EPHB2: variants seen among roughly 807,000 people sequenced by gnomAD.
The protein encoded by EPHB2 is ephrin type-B receptor 2.
A neutral mutation model predicts 96.4 loss-of-function variants in EPHB2; 18 were observed. The observed-to-expected ratio is 0.19, with a 90% CI of 0.13 to 0.28. The LOEUF is 0.28. Ranked by LOEUF, EPHB2 falls within the 10% of genes least tolerant of loss-of-function variation. The pLI is 1.00. For synonymous variants in EPHB2, 506 were observed against 534.1 expected (o/e 0.95, Z 0.72); for missense variants, 989 against 1,355.4 (o/e 0.73, Z 4.25).
intron 1 of EPHB2, among the ~76,000 whole-genome samples, chr1:22,723,517 C>T (rs1440538553): frequency 1.3e-5 from 2 of 152,248 alleles, no homozygotes; most frequent in Non-Finnish European, 2.9e-5. Flanking sequence ...CACAGCCATG[C>T]CAGCAAAGCT....
intron 3 of EPHB2, among the ~76,000 whole-genome samples, chr1:22,837,911 C>G (rs1189917945): frequency 6.6e-6 from 1 of 152,162 alleles, no homozygotes; most frequent in Non-Finnish European, 1.5e-5. Context: ...TGACCCCTTC[C>G]CTCCCTTTCT....
At chr1:22,788,454 G>A (rs1161958737) in intron 3 of EPHB2, among the ~76,000 whole-genome samples, 5 of 152,230 alleles carry the variant, frequency 3.3e-5, no homozygotes, top group Non-Finnish European at 5.9e-5. Flanking sequence ...CTGTGCTGCT[G>A]TCACCCAGAT....
intron 1 of EPHB2, among the ~76,000 whole-genome samples, chr1:22,749,266 C>G (rs1170339782): frequency 1.3e-5 from 2 of 152,130 alleles, no homozygotes; most frequent in African/African-American, 4.8e-5. Context: ...AGCGATCTGC[C>G]CACCTTGGCT....
At chr1:22,908,361 A>T (rs1639984088) in intron 12 of EPHB2, among the ~76,000 whole-genome samples, 193 bp downstream of exon 12, 1 of 152,260 alleles carries the variant, frequency 6.6e-6, no homozygotes, top group Admixed American at 6.5e-5. Context: ...AAATGTGCAG[A>T]GCCATGTGGA....
intron 1 of EPHB2, among the ~76,000 whole-genome samples, chr1:22,742,473 C>CTTCT (rs1643916195): frequency 6.6e-6 from 1 of 151,474 alleles, no homozygotes; most frequent in African/African-American, 2.4e-5. Context: ...TCCAGCCAGA[C>CTTCT]TTCCTTCCTT....
At chr1:22,762,767 C>T (rs1022482638) in intron 1 of EPHB2, among the ~76,000 whole-genome samples, 3 of 152,156 alleles carry the variant, frequency 2.0e-5, no homozygotes, top group African/African-American at 7.2e-5. Context: ...TATTGTAATC[C>T]ATCTCATTAT....
At chr1:22,786,904 G>T (rs1356691888) in intron 3 of EPHB2, among the ~76,000 whole-genome samples, 1 of 152,220 alleles carries the variant, frequency 6.6e-6, no homozygotes, top group Non-Finnish European at 1.5e-5. Context: ...AACAAATTTG[G>T]TTTTACGTCC....
chr1:22,884,151 G>C (rs1639145907), intron 6 of EPHB2, among the ~76,000 whole-genome samples: 2 of 152,218 alleles, frequency 1.3e-5, no homozygotes, highest in Admixed American at 1.3e-4. Flanking sequence ...GGGGACCATG[G>C]ACACTGAAGG....
intron 4 of EPHB2, among the ~76,000 whole-genome samples, chr1:22,864,656 A>G (rs545503329): frequency 3.0e-4 from 45 of 152,350 alleles, no homozygotes; most frequent in African/African-American, 7.7e-4. Flanking sequence ...CCTCAGTAAC[A>G]AACACTGAGC....
At chr1:22,877,970 T>C (rs1355248250) in intron 5 of EPHB2, among the ~76,000 whole-genome samples, 1 of 152,260 alleles carries the variant, frequency 6.6e-6, no homozygotes, top group African/African-American at 2.4e-5. Flanking sequence ...GTTATCCTTA[T>C]GCCCATTCAA....
intron 3 of EPHB2, among the ~76,000 whole-genome samples, chr1:22,842,027 A>G (rs541615508): frequency 4.2e-4 from 64 of 152,260 alleles, no homozygotes; most frequent in Non-Finnish European, 7.1e-4. Flanking sequence ...GCCTCGGGAC[A>G]GCTGGAGGAG....
Position 22,751,549 on chromosome 1 carries a change from A to G in EPHB2, c.62-29872A>G, listed in dbSNP as rs568835844. Among the ~76,000 whole-genome samples the G allele has an allele frequency of 4.6e-5, 7 of 152,342 alleles. No individual in the cohort carries two copies. In the East Asian group the frequency reaches 1.2e-3, roughly 25 times the overall value. On this transcript the variant is annotated intron_variant, in intron 1 of 15. Coordinates refer to ENST00000374630, the MANE Select transcript of EPHB2 (RefSeq NM_017449.5). ...GAGCTCTGTCCTCAGCCTGCTGGTC[A>G]GGGCTCACCTTCCCTACCTTTACGC...
chr1:22,762,768 A>G (rs2582021), intron 1 of EPHB2, among the ~76,000 whole-genome samples: 148,343 of 152,264 alleles, frequency 0.97, 72,369 homozygotes, highest in Non-Finnish European at 1. Context: ...ATTGTAATCC[A>G]TCTCATTATC....
intron 1 of EPHB2, among the ~76,000 whole-genome samples, chr1:22,742,760 C>G (rs1340677080): frequency 6.6e-6 from 1 of 151,952 alleles, no homozygotes; most frequent in Non-Finnish European, 1.5e-5. Flanking sequence ...ACCTCAGCCT[C>G]CCAAGGAAAG....
chr1:22,801,914 C>T (rs570792557), intron 3 of EPHB2, among the ~76,000 whole-genome samples: 8 of 152,334 alleles, frequency 5.3e-5, no homozygotes, highest in East Asian at 3.9e-4. Flanking sequence ...ATTAGAGGAG[C>T]GGACAGGGAG....
intron 5 of EPHB2, among the ~76,000 whole-genome samples, chr1:22,873,339 T>C (rs1409837950): frequency 6.6e-6 from 1 of 152,228 alleles, no homozygotes; most frequent in Non-Finnish European, 1.5e-5. Context: ...GCAACAACTC[T>C]GCTCCAACAT....
chr1:22,827,846 CA>C (rs1645246402), intron 3 of EPHB2, among the ~76,000 whole-genome samples: 1 of 152,254 alleles, frequency 6.6e-6, no homozygotes, highest in African/African-American at 2.4e-5. Flanking sequence ...GCAGAGATAA[CA>C]AGCCAAAAGG....
chr1:22,751,287 A>G (rs6697530), intron 1 of EPHB2, among the ~76,000 whole-genome samples: 150,487 of 152,268 alleles, frequency 0.99, 74,390 homozygotes, highest in Middle Eastern at 1. Flanking sequence ...ACCCACGCCC[A>G]TCTGCTTCCT....
At chr1:22,818,252 C>T (rs1352244529) in intron 3 of EPHB2, among the ~76,000 whole-genome samples, 8 of 152,132 alleles carry the variant, frequency 5.3e-5, no homozygotes, top group African/African-American at 1.7e-4. Flanking sequence ...AGTCCCACCC[C>T]GAGTCATCCT....
Sources: allele counts gnomAD v4.1 joint callset (sites outside exome capture counted in the v4.1 genomes callset), GRCh38; gene constraint gnomAD v4.1.1; transcripts MANE v1.5; gene names NCBI Gene and HGNC (gene_info 2026-07-23, HGNC 2026-07-21).